AFAP1: variants seen among roughly 807,000 people sequenced by gnomAD.
AFAP1 encodes the protein actin filament associated protein 1.
A neutral mutation model predicts 93.9 loss-of-function variants in AFAP1; 75 were observed. The observed-to-expected ratio is 0.80, with a 90% CI of 0.66 to 0.97. The LOEUF (loss-of-function observed/expected upper bound fraction) is 0.97. AFAP1 is among the 50% of genes least tolerant of loss of function. The pLI is 0.00. For synonymous variants in AFAP1, 517 were observed against 430.7 expected (o/e 1.20, Z -2.48); for missense variants, 1,201 against 1,050.8 (o/e 1.14, Z -1.98).
intron 1 of AFAP1, among the ~76,000 whole-genome samples, chr4:7,926,065 C>G (rs751239966): frequency 1.3e-5 from 2 of 152,090 alleles, no homozygotes; most frequent in Non-Finnish European, 2.9e-5. Context: ...CGCAAAATGT[C>G]GAGAAAAAGG....
chr4:7,795,966 T>C (rs1156710256), intron 10 of AFAP1, among the ~76,000 whole-genome samples: 2 of 152,142 alleles, frequency 1.3e-5, no homozygotes, highest in African/African-American at 2.4e-5. Flanking sequence ...GGTATAGACA[T>C]AGAGACGTGT....
At chr4:7,791,820 T>A (rs1308956613) in intron 11 of AFAP1, among the ~76,000 whole-genome samples, 1 of 143,644 alleles carries the variant, frequency 7.0e-6, no homozygotes, top group African/African-American at 2.7e-5. Context: ...GCCACTGCAC[T>A]CCAGCCTGGG....
chr4:7,826,316 C>T (rs767879733), intron 6 of AFAP1, among the ~76,000 whole-genome samples: 4 of 152,212 alleles, frequency 2.6e-5, no homozygotes, highest in Non-Finnish European at 5.9e-5. Context: ...CACCCCACCC[C>T]GCCGCCCCCA....
chr4:7,785,395 C>G (rs1717166813), intron 12 of AFAP1, among the ~76,000 whole-genome samples: 1 of 152,100 alleles, frequency 6.6e-6, no homozygotes, highest in South Asian at 2.1e-4. Context: ...TAGCGCTGTG[C>G]CAGGAGCCAG....
At chr4:7,822,668 T>C (rs1721077003) in intron 6 of AFAP1, among the ~76,000 whole-genome samples, 1 of 148,446 alleles carries the variant, frequency 6.7e-6, no homozygotes, top group Non-Finnish European at 1.5e-5. Context: ...CACTGCAAGC[T>C]CCGCCTCCTG....
At chr4:7,928,729 CAAT>C (rs1268926481) in intron 1 of AFAP1, among the ~76,000 whole-genome samples, 3 of 152,202 alleles carry the variant, frequency 2.0e-5, no homozygotes, top group African/African-American at 7.2e-5. Context: ...TTATTACTAT[CAAT>C]AATGTCAATC....
intron 11 of AFAP1, among the ~76,000 whole-genome samples, chr4:7,787,882 G>A (rs1717456197): frequency 6.6e-6 from 1 of 152,146 alleles, no homozygotes; most frequent in Non-Finnish European, 1.5e-5. Flanking sequence ...CCTGGCTCTC[G>A]CGGCTCCCCC....
rs1409407360 is a variant in AFAP1, at chr4:7,781,414, A to T, written c.1744T>A (p.Ser582Thr). Residue 582 changes from serine to threonine, a missense_variant, in exon 13 of 18, where the codon TCT (serine) becomes ACT (threonine). Ser to Thr is a moderately conservative substitution (Grantham distance 58, BLOSUM62 1). Transcript: ENST00000420658. ...PASAQSVTNT[S>T]SVGRASLGLN... ...CCGAGAGACGCCCTCCCCACAGAAG[A>T]GGTATTAGTGACAGACTGAGCGGAG... 1 of 1,551,852 alleles carries T rather than the reference A, an allele frequency of 6.4e-7. No individual in the cohort carries two copies. Among genetic ancestry groups the T allele is most frequent in the East Asian group, 2.4e-5 (1 of 40,930 alleles).
rs1713308802 is a variant in AFAP1, at chr4:7,843,501, CAAAAAT to C, written c.335-157_335-152del. On this transcript the variant is annotated intron_variant, in intron 4 of 17. Transcript: ENST00000420658. ...TTAAGGGAAAAAACAAAAACAAAAA[CAAAAAT>C]AAAAAAACAATGCTAAGACTTGGGC... is the stretch of plus-strand genomic sequence containing the variant. 3 of 746,518 alleles carry C rather than the reference CAAAAAT, an allele frequency of 4.0e-6. No individual in the cohort carries two copies. In the Admixed American group the frequency reaches 9.3e-5, roughly 23 times the overall value. 46.2% of individuals were successfully genotyped at this position (746,518 alleles called of 1,614,324 possible).
chr4:7,871,983 G>C lies in AFAP1; in HGVS notation c.96C>G (p.Thr32=). Residue 32 remains threonine, a synonymous_variant, in exon 2 of 18, where the codon ACC becomes ACG. Coordinates refer to ENST00000420658, the MANE Select transcript of AFAP1 (RefSeq NM_001134647.2). ...ATGACTGTATTCTTAGCAGAATGTT[G>C]GTTATCACTGCCTTTTTCTCCCTGA... The part of the protein sequence containing the change: ...STVREKKAVI[T]NILLRIQSSK... 1 of 1,614,154 alleles carries C rather than the reference G, an allele frequency of 6.2e-7. No individual in the cohort carries two copies. The highest frequency in any genetic ancestry group is 8.5e-7 in the Non-Finnish European group (1 of 1,180,022).
intron 1 of AFAP1, among the ~76,000 whole-genome samples, chr4:7,919,049 C>CAGAAGAGACACTCGGCCCAGGTCACCA (rs1560236421): frequency 2.0e-5 from 3 of 148,374 alleles, no homozygotes; most frequent in South Asian, 2.2e-4. Flanking sequence ...ACAGGGCTGC[C>CAGAAGAGACACTCGGCCCAGGTCACCA]GGAAGAGACA....
intron 11 of AFAP1, among the ~76,000 whole-genome samples, chr4:7,786,632 C>T (rs539911759): frequency 8.8e-5 from 13 of 148,360 alleles, no homozygotes; most frequent in Admixed American, 5.9e-4. Flanking sequence ...CACTGTGGCC[C>T]CAACGCTAGG....
chr4:7,852,487 G>A (rs193050238), intron 4 of AFAP1, among the ~76,000 whole-genome samples: 9 of 152,242 alleles, frequency 5.9e-5, no homozygotes, highest in East Asian at 5.8e-4. Context: ...GGAAGAACAC[G>A]CAGGGGACCT....
intron 1 of AFAP1, among the ~76,000 whole-genome samples, chr4:7,906,317 A>G (rs1327281467): frequency 1.3e-5 from 2 of 152,218 alleles, no homozygotes; most frequent in Non-Finnish European, 2.9e-5. Context: ...TTTTCACAGA[A>G]CTGCTGAGGG....
intron 11 of AFAP1, among the ~76,000 whole-genome samples, chr4:7,789,300 T>C (rs955736766): frequency 6.6e-6 from 1 of 151,962 alleles, no homozygotes; most frequent in Non-Finnish European, 1.5e-5. Flanking sequence ...CAGGAGAGAG[T>C]CAAGTGGAGC....
chr4:7,792,067 T>C (rs1343936975), intron 11 of AFAP1, among the ~76,000 whole-genome samples: 1 of 152,154 alleles, frequency 6.6e-6, no homozygotes, highest in Non-Finnish European at 1.5e-5. Context: ...AATGCTCTTT[T>C]GGTTGAAGTA....
At chr4:7,928,731 A>T (rs971042629) in intron 1 of AFAP1, among the ~76,000 whole-genome samples, 4 of 152,240 alleles carry the variant, frequency 2.6e-5, no homozygotes, top group African/African-American at 9.6e-5. Flanking sequence ...ATTACTATCA[A>T]TAATGTCAAT....
At chr4:7,808,504 TCAAAGA>T (rs2149048059) in intron 9 of AFAP1, among the ~76,000 whole-genome samples, 1 of 5,246 alleles carries the variant, frequency 1.9e-4, no homozygotes, top group Non-Finnish European at 2.7e-4. Context: ...AGGTAGCTGC[TCAAAGA>T]TGACCAAAAG....
intron 8 of AFAP1, among the ~76,000 whole-genome samples, chr4:7,814,964 C>T (rs544324185): frequency 2.0e-5 from 3 of 152,352 alleles, no homozygotes; most frequent in East Asian, 1.9e-4. Flanking sequence ...TCCATGCTCA[C>T]GGCAGCATCT....
Sources: allele counts gnomAD v4.1 joint callset (sites outside exome capture counted in the v4.1 genomes callset), GRCh38; gene constraint gnomAD v4.1.1; transcripts MANE v1.5; gene names NCBI Gene and HGNC (gene_info 2026-07-23, HGNC 2026-07-21).